The following PRKG1 variants were observed in gnomAD, a reference collection of about 807,000 sequenced individuals.
The protein encoded by PRKG1 is protein kinase cGMP-dependent 1.
Under a neutral mutation model 88.1 loss-of-function variants are expected in PRKG1, and 35 were observed. That is an observed-to-expected ratio of 0.40 (90% CI 0.30 to 0.53). PRKG1 has a LOEUF of 0.53. PRKG1 is among the 20% of genes least tolerant of loss of function. The pLI, the probability that PRKG1 is intolerant of heterozygous loss-of-function variation, is 0.59. For missense variants in PRKG1, 540 were observed against 839.8 expected, an observed-to-expected ratio of 0.64 and a Z score of 4.41; for synonymous variants, 303 against 292.5, an observed-to-expected ratio of 1.04 and a Z score of -0.37.
Position 51,221,913 on chromosome 10 carries a change from C to T in PRKG1, c.478+68583C>T, listed in dbSNP as rs1298307777. 8.3e-5 allele frequency among the ~76,000 whole-genome samples: 11 copies of T among 132,856 alleles called. No individual in the cohort carries two copies. The East Asian group carries it at 1.5e-3, about 18-fold the overall frequency. 87.2% of individuals were successfully genotyped at this position (132,856 alleles called of 152,430 possible). On this transcript the variant is annotated intron_variant, in intron 2 of 17. Transcript: ENST00000373980. The stretch of plus-strand genomic sequence containing the variant: ...TTTTTTGAGAGGGAGTTTCACTCGT[C>T]GCCCAGGCTGGAGTACAATGGCACC...
intron 2 of PRKG1, among the ~76,000 whole-genome samples, chr10:51,228,180 C>G (rs1838742641): frequency 6.6e-6 from 1 of 152,174 alleles, no homozygotes; most frequent in African/African-American, 2.4e-5. Flanking sequence ...ATTATTCTTT[C>G]AGTTGTTTAA....
At chr10:51,224,915 G>A (rs1838648873) in intron 2 of PRKG1, among the ~76,000 whole-genome samples, 1 of 152,192 alleles carries the variant, frequency 6.6e-6, no homozygotes, top group South Asian at 2.1e-4. Context: ...CTGTTTGGCA[G>A]TTTTAGCCAT....
At chr10:52,089,769 A>G (rs1341263068) in intron 7 of PRKG1, among the ~76,000 whole-genome samples, 3 of 149,566 alleles carry the variant, frequency 2.0e-5, no homozygotes, top group Non-Finnish European at 4.4e-5. Context: ...CAACCAACCA[A>G]CACATCTAGG....
intron 5 of PRKG1, among the ~76,000 whole-genome samples, chr10:52,039,380 A>G (rs1233723028): frequency 6.6e-6 from 1 of 152,024 alleles, no homozygotes; most frequent in Non-Finnish European, 1.5e-5. Context: ...TCACAAGGTA[A>G]TGTCATCACT....
chr10:52,011,566 G>T (rs928123491), intron 5 of PRKG1, among the ~76,000 whole-genome samples: 5 of 151,944 alleles, frequency 3.3e-5, no homozygotes, highest in Non-Finnish European at 7.4e-5. Context: ...CTTTTCAAGT[G>T]CTCCTTTGCT....
At chr10:51,522,760 CT>C (rs1181022421) in intron 3 of PRKG1, among the ~76,000 whole-genome samples, 1 of 151,874 alleles carries the variant, frequency 6.6e-6, no homozygotes, top group East Asian at 1.9e-4. Flanking sequence ...AATCTACCTG[CT>C]TTTTTTTAAA....
intron 2 of PRKG1, among the ~76,000 whole-genome samples, chr10:51,221,206 A>T (rs921225851): frequency 3.9e-5 from 6 of 152,116 alleles, no homozygotes; most frequent in African/African-American, 1.4e-4. Context: ...GTAACTCCCT[A>T]GTTAGTTCTT....
intron 9 of PRKG1, among the ~76,000 whole-genome samples, chr10:52,187,844 T>C (rs973032704): frequency 1.3e-5 from 2 of 152,332 alleles, no homozygotes; most frequent in Admixed American, 6.5e-5. Flanking sequence ...GGTATTGTCA[T>C]CTGTACATCC....
At position 51,205,127 on chromosome 10, in the gene PRKG1, C is replaced by CTTTTTTTTTTTTTTTTTTTTTTT. The variant is rs58176913; in HGVS notation, c.478+51805_478+51827dup. On this transcript the variant is annotated intron_variant, in intron 2 of 17. Transcript: ENST00000373980. ...TAAGGAAGAATTTTCATTTTCTTTT[C>CTTTTTTTTTTTTTTTTTTTTTTT]TTTTTTTTTTTTTTTTTTTTTTTTT... Among the ~76,000 whole-genome samples the CTTTTTTTTTTTTTTTTTTTTTTT allele has an allele frequency of 1.4e-3, 87 of 64,006 alleles. 8 individuals carry two copies. Among genetic ancestry groups the CTTTTTTTTTTTTTTTTTTTTTTT allele is most frequent in the African/African-American group, 3.1e-3 (54 of 17,268 alleles). The allele number at this position is 64,006 out of a possible 152,430, so 42.0% of individuals were successfully genotyped here.
intron 7 of PRKG1, among the ~76,000 whole-genome samples, chr10:52,103,253 C>T (rs1172503881): frequency 6.6e-6 from 1 of 152,106 alleles, no homozygotes; most frequent in Admixed American, 6.6e-5. Flanking sequence ...CACATAGAAA[C>T]ATTTTTAGAG....
At chr10:51,053,377 A>G (rs1474854765) in intron 1 of PRKG1, among the ~76,000 whole-genome samples, 1 of 152,204 alleles carries the variant, frequency 6.6e-6, no homozygotes, top group Admixed American at 6.5e-5. Flanking sequence ...TAATTTGGCT[A>G]CAAGACAGAG....
intron 5 of PRKG1, among the ~76,000 whole-genome samples, chr10:51,983,665 C>T (rs1844074583): frequency 6.6e-6 from 1 of 152,212 alleles, no homozygotes; most frequent in Admixed American, 6.5e-5. Flanking sequence ...CAGACACTCC[C>T]ACACCAAACA....
intron 4 of PRKG1, among the ~76,000 whole-genome samples, chr10:51,839,907 C>T (rs145384157): frequency 1.3e-5 from 2 of 152,296 alleles, no homozygotes; most frequent in East Asian, 3.9e-4. Flanking sequence ...TTTCCTAGAG[C>T]ATGCAATATC....
At chr10:51,968,788 A>G (rs1308674524) in intron 5 of PRKG1, among the ~76,000 whole-genome samples, 2 of 148,974 alleles carry the variant, frequency 1.3e-5, no homozygotes, top group South Asian at 2.1e-4. Context: ...ATGCCACTGC[A>G]CTCCAGCCTG....
intron 3 of PRKG1, among the ~76,000 whole-genome samples, chr10:51,727,968 T>C (rs1249051059): frequency 2.0e-5 from 3 of 152,314 alleles, no homozygotes; most frequent in African/African-American, 7.2e-5. Flanking sequence ...AAATGAGAGT[T>C]GTCTTCCCTG....
Position 51,746,940 on chromosome 10 carries a change from A to G in PRKG1, c.593-57645A>G, listed in dbSNP as rs555818767. ...TTTAATCCTCTGGACTTTCACTAGA[A>G]CCTAAAGGGTGGCTTTTCTGGCTAC... On this transcript the variant is annotated intron_variant, in intron 3 of 17. Coordinates refer to ENST00000373980, the MANE Select transcript of PRKG1 (RefSeq NM_006258.4). Among the ~76,000 whole-genome samples the G allele has an allele frequency of 3.3e-5, 5 of 152,114 alleles. No homozygotes were observed. In the East Asian group the frequency reaches 9.7e-4, roughly 30 times the overall value.
intron 8 of PRKG1, among the ~76,000 whole-genome samples, chr10:52,141,116 C>CT (rs1162391986): frequency 2.6e-5 from 4 of 151,996 alleles, no homozygotes; most frequent in Non-Finnish European, 5.9e-5. Context: ...TTGAACTTGT[C>CT]TTTTTTTACA....
intron 7 of PRKG1, among the ~76,000 whole-genome samples, chr10:52,082,650 G>A (rs1311858490): frequency 6.6e-6 from 1 of 152,054 alleles, no homozygotes; most frequent in African/African-American, 2.4e-5. Context: ...TCCCATTATG[G>A]TTTGATACCA....
intron 17 of PRKG1, among the ~76,000 whole-genome samples, chr10:52,290,910 CTTTT>C (rs746256641): frequency 8.1e-6 from 1 of 122,888 alleles, no homozygotes; most frequent in African/African-American, 2.9e-5. Context: ...CATGATCACT[CTTTT>C]TTTTTTTTTT....
Sources: gnomAD v4.1 joint callset for allele counts (sites outside exome capture counted in the v4.1 genomes callset) on GRCh38, gnomAD v4.1.1 for gene constraint, MANE v1.5 for transcripts, NCBI Gene and HGNC (gene_info 2026-07-23, HGNC 2026-07-21) for gene names.